The following GRIK2 variants were observed in gnomAD, a reference collection of about 807,000 sequenced individuals.
GRIK2 encodes glutamate receptor ionotropic, kainate 2.
GRIK2 carries 32 observed loss-of-function variants against 100.3 expected under a neutral mutation model. The observed-to-expected ratio is 0.32, with a 90% CI of 0.24 to 0.43. GRIK2 has a LOEUF of 0.43. GRIK2 is among the 20% of genes least tolerant of loss of function. The pLI is 1.00. For missense variants in GRIK2, 843 were observed against 1,114.9 expected (o/e 0.76, Z 3.47); for synonymous variants, 417 against 389.4 (o/e 1.07, Z -0.83).
chr6:101,696,415 T>C (rs1317074522), intron 7 of GRIK2, among the ~76,000 whole-genome samples: 1 of 151,942 alleles, frequency 6.6e-6, no homozygotes, highest in African/African-American at 2.4e-5. Context: ...CCCACCAGTG[T>C]AGAATTTCTC....
Position 102,008,050 on chromosome 6 carries a change from C to CAAA in GRIK2, c.2086-27289_2086-27288insAAA, listed in dbSNP as rs548281355. On this transcript the variant is annotated intron_variant, in intron 14 of 16. Transcript: ENST00000369134. ...AGAAGGCAGGGAAAAGGAAAAACAA[C>CAAA]AACAACAACAACAAAATTTTAAAGT... Among the ~76,000 whole-genome samples, 196 of 152,030 alleles carry CAAA rather than the reference C, an allele frequency of 1.3e-3. 1 individual carries two copies. The highest frequency in any genetic ancestry group is 4.5e-3 in the African/African-American group (185 of 41,506).
chr6:101,701,765 A>G (rs192893608), intron 7 of GRIK2, among the ~76,000 whole-genome samples: 2 of 152,188 alleles, frequency 1.3e-5, no homozygotes, highest in Admixed American at 1.3e-4. Context: ...TAATTTGAAC[A>G]TTTACTATTA....
intron 7 of GRIK2, among the ~76,000 whole-genome samples, chr6:101,734,595 A>G (rs1333516201): frequency 6.6e-6 from 1 of 152,172 alleles, no homozygotes; most frequent in African/African-American, 2.4e-5. Flanking sequence ...GACCCTGTCA[A>G]GTTGACACAT....
At chr6:101,400,080 G>T (rs894844556) in intron 2 of GRIK2, among the ~76,000 whole-genome samples, 16 of 152,154 alleles carry the variant, frequency 1.1e-4, no homozygotes, top group Non-Finnish European at 2.9e-5. Context: ...AACTTGCTGA[G>T]TCCCCCTCTC....
chr6:101,514,896 TTTTTA>T (rs1182256851), intron 2 of GRIK2, among the ~76,000 whole-genome samples: 1 of 152,130 alleles, frequency 6.6e-6, no homozygotes, highest in Non-Finnish European at 1.5e-5. Flanking sequence ...GGATGTTTTC[TTTTTA>T]TTTTATTTTT....
rs758603527 is a variant in GRIK2 at position 101,818,499 on chromosome 6, T to G, written c.1317+16T>G. ...CACCATTTTGGTAAGTATTTGCTTT[T>G]CCATTATTCTTAGTTAAATGTAGAT... On this transcript the variant is annotated intron_variant, in intron 10 of 16. Coordinates refer to ENST00000369134, the MANE Select transcript of GRIK2 (RefSeq NM_021956.5). The G allele has an allele frequency of 2.9e-6, 4 of 1,358,566 alleles. No individual in the cohort carries two copies. The highest frequency in any genetic ancestry group is 4.2e-6 in the Non-Finnish European group (4 of 947,802). 84.2% of individuals were successfully genotyped at this position (1,358,566 alleles called of 1,614,324 possible). A position where few individuals can be genotyped will look rare whatever the true frequency, so the allele number is the denominator to read the frequency against.
At chr6:101,709,180 T>A (rs1299359913) in intron 7 of GRIK2, among the ~76,000 whole-genome samples, 1 of 151,732 alleles carries the variant, frequency 6.6e-6, no homozygotes, top group Non-Finnish European at 1.5e-5. Context: ...AGAGATTCCA[T>A]TTTCACTGCA....
At chr6:101,984,295 G>A (rs1452030146) in intron 14 of GRIK2, among the ~76,000 whole-genome samples, 2 of 151,622 alleles carry the variant, frequency 1.3e-5, no homozygotes, top group Non-Finnish European at 3.0e-5. Context: ...AACATCCCCA[G>A]TAGAAAGGTC....
In GRIK2 at chr6:101,772,630, A is replaced by C. The variant is rs75160485; in HGVS notation, c.952-27018A>C. On this transcript the variant is annotated intron_variant, in intron 7 of 16. Coordinates refer to ENST00000369134, the MANE Select transcript of GRIK2 (RefSeq NM_021956.5). ...AATCTCAGAAAATGAATAAAGTATA[A>C]TCTTGAAAAAAACTAGTGAAACTTC... Among the ~76,000 whole-genome samples the C allele has an allele frequency of 8.5e-3, 1,250 of 146,338 alleles. 21 individuals carry two copies. Among genetic ancestry groups the C allele is most frequent in the African/African-American group, 0.029 (1,133 of 39,406 alleles).
intron 16 of GRIK2, among the ~76,000 whole-genome samples, chr6:102,056,410 C>T (rs1303532404): frequency 6.6e-6 from 1 of 151,820 alleles, no homozygotes; most frequent in African/African-American, 2.4e-5. Flanking sequence ...TTTTTGTATG[C>T]AAATTCATTG....
intron 12 of GRIK2, among the ~76,000 whole-genome samples, chr6:101,905,729 A>T (rs1427028004): frequency 6.6e-6 from 1 of 151,434 alleles, no homozygotes; most frequent in Non-Finnish European, 1.5e-5. Flanking sequence ...GCATCAATTT[A>T]TCAATAAGTA....
At chr6:101,495,151 A>C (rs1773369764) in intron 2 of GRIK2, among the ~76,000 whole-genome samples, 1 of 151,708 alleles carries the variant, frequency 6.6e-6, no homozygotes, top group African/African-American at 2.4e-5. Flanking sequence ...CTACCCACTT[A>C]CCTATCTACA....
rs929294491 is a variant in GRIK2 at position 101,609,156 on chromosome 6, A to G, written c.116-12793A>G. 2.6e-5 allele frequency among the ~76,000 whole-genome samples: 4 copies of G among 151,940 alleles called. No homozygotes were observed. The Admixed American group carries it at 2.6e-4, about 10-fold the overall frequency. Reference sequence around the variant, plus strand: ...TACTAGATTAGCTACATTATCTGCAATTCGAATTTCCACAATCAGTTTTTG... The same window carrying G: ...TACTAGATTAGCTACATTATCTGCAGTTCGAATTTCCACAATCAGTTTTTG... On this transcript the variant is annotated intron_variant, in intron 2 of 16. Transcript: ENST00000369134.
intron 6 of GRIK2, among the ~76,000 whole-genome samples, chr6:101,683,275 G>GA (rs1027545344): frequency 2.6e-5 from 4 of 151,926 alleles, no homozygotes; most frequent in Admixed American, 1.3e-4. Context: ...TTCACTTTTT[G>GA]AAAATCAGAT....
chr6:101,443,497 A>G (rs940087414), intron 2 of GRIK2, among the ~76,000 whole-genome samples: 22 of 152,172 alleles, frequency 1.4e-4, no homozygotes, highest in African/African-American at 5.3e-4. Flanking sequence ...AAGTGGATAC[A>G]GGTTTCTGAG....
chr6:101,533,892 T>C (rs1417432341), intron 2 of GRIK2, among the ~76,000 whole-genome samples: 2 of 151,986 alleles, frequency 1.3e-5, no homozygotes, highest in African/African-American at 2.4e-5. Context: ...TATAGCTTTA[T>C]AACATTTCAT....
At chr6:101,904,062 G>A (rs1157694213) in intron 12 of GRIK2, among the ~76,000 whole-genome samples, 1 of 150,686 alleles carries the variant, frequency 6.6e-6, no homozygotes, top group Non-Finnish European at 1.5e-5. Flanking sequence ...TTAGCCATGG[G>A]GCCTTTTTTT....
In GRIK2 at chr6:101,750,740, G is replaced by T. The variant is rs140669376; in HGVS notation, c.952-48908G>T. Among the ~76,000 whole-genome samples the T allele has an allele frequency of 5.3e-3, 802 of 152,288 alleles. 11 individuals carry two copies. The highest frequency in any genetic ancestry group is 0.018 in the African/African-American group (735 of 41,552). Reference sequence around the variant, plus strand: ...CTCAGAGAGAGAGAGAAAGAGAAGGGTTGTAACTATATAGAGGGTTAGGTT... The same window carrying T: ...CTCAGAGAGAGAGAGAAAGAGAAGGTTTGTAACTATATAGAGGGTTAGGTT... On this transcript the variant is annotated intron_variant, in intron 7 of 16. Transcript: ENST00000369134.
At chr6:101,587,288 C>T (rs1358035427) in intron 2 of GRIK2, among the ~76,000 whole-genome samples, 3 of 151,986 alleles carry the variant, frequency 2.0e-5, no homozygotes, top group East Asian at 1.9e-4. Context: ...GGGGAAAATT[C>T]CCCAAATGTG....
Sources: gnomAD v4.1 joint callset for allele counts (sites outside exome capture counted in the v4.1 genomes callset) on GRCh38, gnomAD v4.1.1 for gene constraint, MANE v1.5 for transcripts, NCBI Gene and HGNC (gene_info 2026-07-23, HGNC 2026-07-21) for gene names.